The following SLMAP variants were observed in gnomAD, a reference collection of about 807,000 sequenced individuals.
SLMAP encodes sarcolemma associated protein, also known as sarcolemmal membrane-associated protein.
SLMAP carries 44 observed loss-of-function variants against 128.8 expected under a neutral mutation model. The observed-to-expected ratio is 0.34, with a 90% CI of 0.27 to 0.44. SLMAP has a LOEUF of 0.44. SLMAP is among the 20% of genes least tolerant of loss of function. The pLI, the probability that SLMAP is intolerant of heterozygous loss-of-function variation, is 1.00. For missense variants in SLMAP, 787 were observed against 985.3 expected, an observed-to-expected ratio of 0.80 and a Z score of 2.69; for synonymous variants, 327 against 348.8, an observed-to-expected ratio of 0.94 and a Z score of 0.70.
rs1396934638 is a variant in SLMAP at position 57,897,198 on chromosome 3, C to A, written c.1501+266C>A. 9.9e-6 allele frequency: 9 copies of A among 906,826 alleles called. No individual in the cohort carries two copies. In the East Asian group the frequency reaches 2.9e-4, roughly 29 times the overall value. 56.2% of individuals were successfully genotyped at this position (906,826 alleles called of 1,614,324 possible). A position where few individuals can be genotyped will look rare whatever the true frequency, so the allele number is the denominator to read the frequency against. On this transcript the variant is annotated intron_variant, in intron 17 of 24. Transcript: ENST00000671191. ...GAAATGCAGCTGTGTTTTTTGTTTA[C>A]CCTTGTGTCTCTAATAGGAATTTAT...
rs557986343 is a variant in SLMAP at position 57,820,780 on chromosome 3, C to T, written c.199-10603C>T. The stretch of plus-strand genomic sequence containing the variant: ...TCCTGCTCCTCCTGGTCCACTTCGT[C>T]CTCCATATCCAGGTTTTCTTTCAAG... On this transcript the variant is annotated intron_variant, in intron 2 of 24. Coordinates refer to ENST00000671191, the MANE Select transcript of SLMAP (RefSeq NM_001377540.1). 3.3e-5 allele frequency among the ~76,000 whole-genome samples: 5 copies of T among 152,322 alleles called. No individual in the cohort carries two copies. The South Asian group carries it at 1.0e-3, about 32-fold the overall frequency.
chr3:57,910,923 A>G (rs577036052), intron 19 of SLMAP, among the ~76,000 whole-genome samples: 1 of 152,248 alleles, frequency 6.6e-6, no homozygotes, highest in East Asian at 1.9e-4. Context: ...TTGGGGTCCT[A>G]TTTTTTGAGT....
intron 21 of SLMAP, among the ~76,000 whole-genome samples, chr3:57,914,153 A>C (rs1295382430): frequency 6.6e-6 from 1 of 152,202 alleles, no homozygotes; most frequent in Non-Finnish European, 1.5e-5. Context: ...AAATTTAATG[A>C]AGTCCTATTT....
intron 14 of SLMAP, among the ~76,000 whole-genome samples, chr3:57,885,803 A>G (rs1379682131): frequency 3.0e-5 from 1 of 33,692 alleles, no homozygotes; most frequent in Non-Finnish European, 6.3e-5. Context: ...TTTTTTTTTG[A>G]GACAGAGTCT....
intron 15 of SLMAP, among the ~76,000 whole-genome samples, chr3:57,894,090 T>C (rs1246234191): frequency 3.3e-5 from 5 of 152,190 alleles, no homozygotes; most frequent in Admixed American, 3.3e-4. Context: ...TCTAATTTCT[T>C]TCAAAATAGA....
chr3:57,765,259 G>C (rs1028050188), intron 2 of SLMAP, among the ~76,000 whole-genome samples: 1 of 152,184 alleles, frequency 6.6e-6, no homozygotes, highest in Non-Finnish European at 1.5e-5. Context: ...ACTTGTATTT[G>C]CCAGGGGTGC....
At chr3:57,866,641 A>G (rs1484017336) in intron 13 of SLMAP, among the ~76,000 whole-genome samples, 2 of 152,182 alleles carry the variant, frequency 1.3e-5, no homozygotes, top group Non-Finnish European at 2.9e-5. Context: ...TGTAGTTTAT[A>G]TTCATTGCGA....
chr3:57,818,144 C>CTTTTT (rs1204778717), intron 2 of SLMAP, among the ~76,000 whole-genome samples: 3 of 147,858 alleles, frequency 2.0e-5, no homozygotes, highest in Non-Finnish European at 4.5e-5. Context: ...GTCCTGATTT[C>CTTTTT]TTTTTTGTTT....
chr3:57,839,991 G>A (rs1010599258), intron 3 of SLMAP, among the ~76,000 whole-genome samples: 1 of 149,918 alleles, frequency 6.7e-6, no homozygotes, highest in African/African-American at 2.5e-5. Flanking sequence ...CCCAGCCTAA[G>A]TTTTATATTT....
In SLMAP at chr3:57,840,237, A is replaced by G. The variant is rs564805261; in HGVS notation, c.347-1062A>G. Among the ~76,000 whole-genome samples, 56 of 152,394 alleles carry G rather than the reference A, an allele frequency of 3.7e-4. 1 individual carries two copies. Among genetic ancestry groups the G allele is most frequent in the Admixed American group, 8.5e-4 (13 of 15,310 alleles). ...CCAAAGTACCGGGATTACAGGCGTG[A>G]GCCACCATGCCCGGCCAACATTAGC... On this transcript the variant is annotated intron_variant, in intron 3 of 24. Coordinates refer to ENST00000671191, the MANE Select transcript of SLMAP (RefSeq NM_001377540.1).
intron 2 of SLMAP, among the ~76,000 whole-genome samples, chr3:57,788,329 T>TAGCATAGCAGTCATGGTGATAATGTGGAA (rs1487517456): frequency 6.6e-6 from 1 of 152,204 alleles, no homozygotes; most frequent in African/African-American, 2.4e-5. Context: ...AATCTTTGTT[T>TAGCATAGCAGTCATGGTGATAATGTGGAA]TTAGAATAGC....
At chr3:57,769,612 C>T (rs1167983756) in intron 2 of SLMAP, among the ~76,000 whole-genome samples, 6 of 152,106 alleles carry the variant, frequency 3.9e-5, no homozygotes, top group South Asian at 2.1e-4. Flanking sequence ...GGTGAGCTAC[C>T]GCACCTAGGC....
At chr3:57,838,684 GAAA>G in intron 3 of SLMAP, among the ~76,000 whole-genome samples, 1 of 152,214 alleles carries the variant, frequency 6.6e-6, no homozygotes. Context: ...GAAGGAATTA[GAAA>G]ATCTGAGCCT....
At chr3:57,903,960 A>G (rs962481059) in intron 17 of SLMAP, among the ~76,000 whole-genome samples, 3 of 152,204 alleles carry the variant, frequency 2.0e-5, no homozygotes, top group Non-Finnish European at 2.9e-5. Context: ...GACCCAAGCC[A>G]TAATAAACTA....
At chr3:57,802,249 C>T (rs2088662706) in intron 2 of SLMAP, among the ~76,000 whole-genome samples, 1 of 151,826 alleles carries the variant, frequency 6.6e-6, no homozygotes, top group Admixed American at 6.6e-5. Context: ...CCAGCCCCAG[C>T]CTTAGGCAAC....
intron 4 of SLMAP, among the ~76,000 whole-genome samples, chr3:57,846,884 T>A (rs1483164743): frequency 6.6e-6 from 1 of 152,166 alleles, no homozygotes; most frequent in Non-Finnish European, 1.5e-5. Context: ...GTACTCCTTT[T>A]CTGTATAGAA....
Position 57,775,509 on chromosome 3 carries a change from CAAAAAAAAAAAAAAA to C in SLMAP, c.198+17675_198+17689del, listed in dbSNP as rs1009755128. On this transcript the variant is annotated intron_variant, in intron 2 of 24. Transcript: ENST00000671191. ...GCAACAAAGTGAAACCCTGTTGGTA[CAAAAAAAAAAAAAAA>C]AAAAAAAAAAAAAAGAGCCGGGCGT... Among the ~76,000 whole-genome samples the C allele has an allele frequency of 9.0e-4, 19 of 21,198 alleles. 1 individual carries two copies. In the South Asian group the frequency reaches 0.023, roughly 26 times the overall value. The allele number at this position is 21,198 out of a possible 152,430, so 13.9% of individuals were successfully genotyped here.
intron 2 of SLMAP, among the ~76,000 whole-genome samples, chr3:57,778,436 G>GT (rs957677487): frequency 3.3e-4 from 49 of 149,582 alleles, no homozygotes; most frequent in African/African-American, 1.1e-3. Flanking sequence ...AAGAATCAGG[G>GT]TTTTTTTGGT....
chr3:57,763,100 A>G (rs565855413), intron 2 of SLMAP, among the ~76,000 whole-genome samples: 1 of 152,182 alleles, frequency 6.6e-6, no homozygotes, highest in Admixed American at 6.5e-5. Flanking sequence ...GGTTACATAG[A>G]AAGGATAGTG....
Sources: gnomAD v4.1 joint callset for allele counts (sites outside exome capture counted in the v4.1 genomes callset) on GRCh38, gnomAD v4.1.1 for gene constraint, MANE v1.5 for transcripts, NCBI Gene and HGNC (gene_info 2026-07-23, HGNC 2026-07-21) for gene names.